The following GPM6A variants were observed in gnomAD, a reference collection of about 807,000 sequenced individuals.
GPM6A encodes the protein glycoprotein M6A.
A neutral mutation model predicts 32.1 loss-of-function variants in GPM6A; 7 were observed. That is an observed-to-expected ratio of 0.22 (90% CI 0.12 to 0.41). The LOEUF is 0.41. Among genes scored for constraint, GPM6A ranks in the 10% least tolerant of loss-of-function variants. The pLI is 1.00. For synonymous variants in GPM6A, 130 were observed against 123.4 expected (o/e 1.05, Z -0.35); for missense variants, 235 against 347.2 (o/e 0.68, Z 2.57).
At chr4:175,894,065 C>T (rs1269362039) in intron 1 of GPM6A, among the ~76,000 whole-genome samples, 1 of 152,134 alleles carries the variant, frequency 6.6e-6, no homozygotes, top group African/African-American at 2.4e-5. Context: ...GACCCCTTAA[C>T]TCCTACTTCT....
At chr4:175,694,457 C>G (rs1744465049) in intron 2 of GPM6A, among the ~76,000 whole-genome samples, 1 of 152,118 alleles carries the variant, frequency 6.6e-6, no homozygotes, top group Non-Finnish European at 1.5e-5. Context: ...GGAACTGGAG[C>G]AAAGGTCACT....
At chr4:175,838,090 A>AACACACACACACACAC (rs763166079) in intron 1 of GPM6A, among the ~76,000 whole-genome samples, 15 of 114,946 alleles carry the variant, frequency 1.3e-4, no homozygotes, top group South Asian at 6.7e-4. Context: ...CCTTGGTTAA[A>AACACACACACACACAC]ACACACACAC....
At chr4:175,922,974 A>G (rs1264186064) in intron 1 of GPM6A, among the ~76,000 whole-genome samples, 2 of 152,098 alleles carry the variant, frequency 1.3e-5, no homozygotes, top group Non-Finnish European at 2.9e-5. Context: ...TAATCAGTAC[A>G]TCTTGTAGCT....
intron 1 of GPM6A, among the ~76,000 whole-genome samples, chr4:175,983,616 C>T (rs747401525): frequency 1.3e-5 from 2 of 152,080 alleles, no homozygotes; most frequent in Non-Finnish European, 2.9e-5. Flanking sequence ...CATTTGAAAC[C>T]ATTTCCTTGC....
chr4:175,821,580 A>G (rs1735278521), intron 1 of GPM6A, among the ~76,000 whole-genome samples: 1 of 152,094 alleles, frequency 6.6e-6, no homozygotes, highest in African/African-American at 2.4e-5. Flanking sequence ...ATCTCTTTCC[A>G]TGAACATGAG....
rs1579389446 is a variant in GPM6A, at chr4:175,691,080, T to C, written c.230+10495A>G. 3.9e-5 allele frequency among the ~76,000 whole-genome samples: 6 copies of C among 152,188 alleles called. No individual in the cohort carries two copies. The South Asian group carries it at 1.2e-3, about 31-fold the overall frequency. ...TCACAAAAGTGTCCTTTTATCAACA[T>C]GCAATATATAAAGTTAATAGAATAC... On this transcript the variant is annotated intron_variant, in intron 2 of 6. Transcript: ENST00000393658.
At chr4:175,979,484 A>G (rs942875279) in intron 1 of GPM6A, among the ~76,000 whole-genome samples, 1 of 152,212 alleles carries the variant, frequency 6.6e-6, no homozygotes, top group Non-Finnish European at 1.5e-5. Context: ...ATGAGTGAGA[A>G]CATGTGGTGT....
chr4:175,713,433 C>T lies in GPM6A; in HGVS notation c.38-11666G>A, dbSNP rs540402906. Among the ~76,000 whole-genome samples the T allele has an allele frequency of 2.2e-4, 34 of 151,990 alleles. No individual in the cohort carries two copies. In the South Asian group the frequency reaches 6.2e-3, roughly 28 times the overall value. ...GTCTTGAACTCCTGACCTTGTGATC[C>T]GCCTGTCTCAGCCTCCCAAAGTGCT... On this transcript the variant is annotated intron_variant, in intron 1 of 6. Transcript: ENST00000393658.
chr4:176,000,089 C>T (rs1741429467), intron 1 of GPM6A, among the ~76,000 whole-genome samples: 1 of 152,124 alleles, frequency 6.6e-6, no homozygotes, highest in Non-Finnish European at 1.5e-5. Flanking sequence ...TGCTGTCACT[C>T]TCCCCTGCTA....
At chr4:175,869,351 T>C (rs1736832896) in intron 1 of GPM6A, among the ~76,000 whole-genome samples, 1 of 152,198 alleles carries the variant, frequency 6.6e-6, no homozygotes. Flanking sequence ...GTCTTTTCTT[T>C]ATAATAATAT....
chr4:175,872,203 G>A (rs1361362622), intron 1 of GPM6A, among the ~76,000 whole-genome samples: 1 of 151,914 alleles, frequency 6.6e-6, no homozygotes, highest in African/African-American at 2.4e-5. Flanking sequence ...CATTTGTCAG[G>A]GTGTGGCTCA....
intron 1 of GPM6A, among the ~76,000 whole-genome samples, chr4:175,991,884 A>C (rs1741155907): frequency 6.6e-6 from 1 of 152,200 alleles, no homozygotes; most frequent in East Asian, 1.9e-4. Flanking sequence ...CCAATGGAGC[A>C]AACATCATTT....
intron 1 of GPM6A, among the ~76,000 whole-genome samples, chr4:175,733,541 T>C (rs1267886532): frequency 6.6e-6 from 1 of 152,080 alleles, no homozygotes; most frequent in Non-Finnish European, 1.5e-5. Context: ...CTAAACTCAA[T>C]TGCCCTTTGT....
At chr4:175,836,558 G>A (rs1422852053) in intron 1 of GPM6A, among the ~76,000 whole-genome samples, 1 of 152,112 alleles carries the variant, frequency 6.6e-6, no homozygotes, top group African/African-American at 2.4e-5. Context: ...AAAAGTTTTA[G>A]ACAGGTTGGC....
intron 1 of GPM6A, among the ~76,000 whole-genome samples, chr4:175,914,602 C>T (rs184437370): frequency 4.6e-5 from 7 of 152,222 alleles, no homozygotes; most frequent in African/African-American, 1.2e-4. Flanking sequence ...GAATTACAGG[C>T]GTGAGCCACC....
chr4:175,826,562 G>A (rs1434847017), intron 1 of GPM6A, among the ~76,000 whole-genome samples: 1 of 152,142 alleles, frequency 6.6e-6, no homozygotes, highest in African/African-American at 2.4e-5. Flanking sequence ...AATGAAAGAT[G>A]GAACGGAAAA....
At chr4:175,722,807 G>C (rs1746210573) in intron 1 of GPM6A, among the ~76,000 whole-genome samples, 2 of 152,184 alleles carry the variant, frequency 1.3e-5, no homozygotes, top group South Asian at 4.2e-4. Context: ...CCTTTGGGAG[G>C]CTAAGGCGGG....
chr4:175,978,337 G>A (rs1202200104), intron 1 of GPM6A, among the ~76,000 whole-genome samples: 4 of 152,148 alleles, frequency 2.6e-5, no homozygotes, highest in Non-Finnish European at 4.4e-5. Context: ...ACTATCATGA[G>A]AACAGCATGG....
chr4:175,665,542 A>G (rs1361381325), intron 3 of GPM6A, among the ~76,000 whole-genome samples: 1 of 152,162 alleles, frequency 6.6e-6, no homozygotes, highest in Non-Finnish European at 1.5e-5. Context: ...GCACTTTGGG[A>G]GACTGAGGCG....
Sources: allele counts gnomAD v4.1 joint callset (sites outside exome capture counted in the v4.1 genomes callset), GRCh38; gene constraint gnomAD v4.1.1; transcripts MANE v1.5; gene names NCBI Gene and HGNC (gene_info 2026-07-23, HGNC 2026-07-21).